FARP1: variants seen among roughly 807,000 people sequenced by gnomAD.
FARP1 encodes FERM, ARHGEF and pleckstrin domain-containing protein 1.
Under a neutral mutation model 128.8 loss-of-function variants are expected in FARP1, and 52 were observed. The observed-to-expected ratio is 0.40, with a 90% CI of 0.32 to 0.51. FARP1 has a LOEUF of 0.51. FARP1 is among the 20% of genes least tolerant of loss of function. The probability of loss-of-function intolerance (pLI) is 0.45; values close to 1 mark genes in which losing one functional copy is unlikely to be tolerated. For missense variants in FARP1, 1,333 were observed against 1,367.9 expected (o/e 0.97, Z 0.40); for synonymous variants, 580 against 551.8 (o/e 1.05, Z -0.72).
intron 2 of FARP1, among the ~76,000 whole-genome samples, chr13:98,253,445 A>T (rs1883441259): frequency 6.6e-6 from 1 of 152,060 alleles, no homozygotes; most frequent in African/African-American, 2.4e-5. Flanking sequence ...AGAAACTGAG[A>T]CTCAGATCAA....
intron 2 of FARP1, among the ~76,000 whole-genome samples, chr13:98,268,349 T>C (rs768685325): frequency 1.3e-5 from 2 of 152,142 alleles, no homozygotes; most frequent in Non-Finnish European, 2.9e-5. Flanking sequence ...TTTGCATGTA[T>C]GGAGGATTCA....
At chr13:98,218,632 T>C (rs773636241) in intron 2 of FARP1, among the ~76,000 whole-genome samples, 1 of 152,136 alleles carries the variant, frequency 6.6e-6, no homozygotes, top group African/African-American at 2.4e-5. Flanking sequence ...AAGAAAGCTA[T>C]GTGATGAGAG....
chr13:98,173,094 T>C (rs540283311), intron 1 of FARP1, among the ~76,000 whole-genome samples: 14 of 152,312 alleles, frequency 9.2e-5, no homozygotes, highest in Non-Finnish European at 1.8e-4. Context: ...ACTGGGTATG[T>C]AGAATAAAAA....
chr13:98,343,199 G>A (rs191497392), intron 2 of FARP1, among the ~76,000 whole-genome samples: 78 of 152,276 alleles, frequency 5.1e-4, no homozygotes, highest in East Asian at 7.7e-4. Context: ...AGGAGGGAGG[G>A]AGGGAGGAAT....
chr13:98,200,706 A>T (rs1193854186), intron 1 of FARP1, among the ~76,000 whole-genome samples: 1 of 152,160 alleles, frequency 6.6e-6, no homozygotes, highest in Non-Finnish European at 1.5e-5. Context: ...AAGGCTTGGA[A>T]AAGAGGAGAA....
intron 5 of FARP1, among the ~76,000 whole-genome samples, chr13:98,369,607 CAT>C (rs1322394647): frequency 6.6e-6 from 1 of 151,660 alleles, no homozygotes; most frequent in Non-Finnish European, 1.5e-5. Context: ...TGAGTGAGAA[CAT>C]GTGGTGTTTG....
At chr13:98,327,483 C>CA (rs2038778778) in intron 2 of FARP1, among the ~76,000 whole-genome samples, 1 of 152,126 alleles carries the variant, frequency 6.6e-6, no homozygotes, top group Admixed American at 6.5e-5. Context: ...TTAAACTGAG[C>CA]AAAAAACTCA....
intron 2 of FARP1, among the ~76,000 whole-genome samples, chr13:98,281,059 A>T (rs1322137463): frequency 6.6e-6 from 1 of 152,228 alleles, no homozygotes; most frequent in East Asian, 1.9e-4. Context: ...ATGGCTAGTT[A>T]TAAAGTTTAT....
At chr13:98,172,230 T>G (rs1464307292) in intron 1 of FARP1, among the ~76,000 whole-genome samples, 3 of 151,896 alleles carry the variant, frequency 2.0e-5, no homozygotes, top group Admixed American at 1.3e-4. Context: ...GGTGACTGAT[T>G]TCATTTCTGC....
At chr13:98,207,005 G>A (rs563639801) in intron 1 of FARP1, among the ~76,000 whole-genome samples, 2 of 152,322 alleles carry the variant, frequency 1.3e-5, no homozygotes, top group African/African-American at 4.8e-5. Context: ...TTATCTGGAA[G>A]ACGGCATTTT....
chr13:98,439,609 G>C (rs1013153985), intron 21 of FARP1, among the ~76,000 whole-genome samples: 1 of 152,136 alleles, frequency 6.6e-6, no homozygotes, highest in African/African-American at 2.4e-5. Flanking sequence ...CAGCCACCTC[G>C]TCCTCCCCCG....
chr13:98,279,370 CTTT>C (rs1475241257), intron 2 of FARP1, among the ~76,000 whole-genome samples: 6 of 151,658 alleles, frequency 4.0e-5, no homozygotes, highest in Non-Finnish European at 7.4e-5. Context: ...AGTGAAATTT[CTTT>C]TTATTAATGC....
At chr13:98,318,281 A>C (rs541174767) in intron 2 of FARP1, among the ~76,000 whole-genome samples, 11 of 150,306 alleles carry the variant, frequency 7.3e-5, no homozygotes, top group Non-Finnish European at 1.2e-4. Flanking sequence ...CTGGTCTCAA[A>C]CTCCTGAGCT....
At chr13:98,426,652 ATTG>A (rs1258395649) in intron 17 of FARP1, among the ~76,000 whole-genome samples, 1 of 152,178 alleles carries the variant, frequency 6.6e-6, no homozygotes, top group Non-Finnish European at 1.5e-5. Context: ...ATCCTGAGGT[ATTG>A]TTTTGTTTTT....
chr13:98,265,009 T>C (rs1256652216), intron 2 of FARP1, among the ~76,000 whole-genome samples: 2 of 152,190 alleles, frequency 1.3e-5, no homozygotes, highest in Non-Finnish European at 2.9e-5. Context: ...TCAGCCAGGC[T>C]TTGGGCCATT....
chr13:98,349,685 A>G (rs1225801341), intron 3 of FARP1, among the ~76,000 whole-genome samples: 7 of 100,824 alleles, frequency 6.9e-5, no homozygotes, highest in Non-Finnish European at 1.5e-4. Flanking sequence ...AAAAAAAAAA[A>G]AAAAAAAAAA....
chr13:98,157,602 T>C (rs1876581454), intron 1 of FARP1, among the ~76,000 whole-genome samples: 1 of 152,234 alleles, frequency 6.6e-6, no homozygotes, highest in African/African-American at 2.4e-5. Context: ...TTTGAAGTCC[T>C]AGGCTGAGTT....
intron 2 of FARP1, among the ~76,000 whole-genome samples, chr13:98,285,850 T>G (rs1044540310): frequency 6.6e-6 from 1 of 152,194 alleles, no homozygotes; most frequent in Admixed American, 6.5e-5. Flanking sequence ...GAGTCAGTAT[T>G]TGCCAGAAAA....
intron 2 of FARP1, 78 bp downstream of exon 2, chr13:98,213,491 A>G (rs1880861415): frequency 1.2e-5 from 18 of 1,446,914 alleles, no homozygotes; most frequent in Admixed American, 2.1e-5. Context: ...GCTCATTCCC[A>G]TGGCCAGTGA....
Sources: gnomAD v4.1 joint callset for allele counts (sites outside exome capture counted in the v4.1 genomes callset) on GRCh38, gnomAD v4.1.1 for gene constraint, MANE v1.5 for transcripts, NCBI Gene and HGNC (gene_info 2026-07-23, HGNC 2026-07-21) for gene names.